The following CPXM2 variants were observed in gnomAD, a reference collection of about 807,000 sequenced individuals.
The protein encoded by CPXM2 is inactive carboxypeptidase-like protein X2.
CPXM2 carries 66 observed loss-of-function variants against 86.1 expected under a neutral mutation model. The observed-to-expected ratio is 0.77, with a 90% CI of 0.63 to 0.94. The LOEUF is 0.94. Ranked by LOEUF, CPXM2 falls within the 40% of genes least tolerant of loss-of-function variation. The probability of loss-of-function intolerance (pLI) is 0.00; values close to 1 mark genes in which losing one functional copy is unlikely to be tolerated. For synonymous variants in CPXM2, 388 were observed against 400.2 expected (o/e 0.97, Z 0.36); for missense variants, 948 against 1,026.3 (o/e 0.92, Z 1.04).
At chr10:123,908,302 GA>G (rs1180450220) in intron 2 of CPXM2, among the ~76,000 whole-genome samples, 1 of 152,162 alleles carries the variant, frequency 6.6e-6, no homozygotes, top group Non-Finnish European at 1.5e-5. Context: ...TAGGAAGTGA[GA>G]ACACTTAGAT....
chr10:123,913,968 T>G lies in CPXM2; in HGVS notation n.174+25509A>C. On this transcript the variant is annotated intron_variant and non_coding_transcript_variant, in intron 2 of 19. Coordinates refer to the CPXM2 transcript ENST00000368854. Reference sequence around the variant, plus strand: ...CTGAACCATGCCTGATGGACCAGAGTGAGCACCAGAGTCAGGCCATTGCCA... The same window carrying G: ...CTGAACCATGCCTGATGGACCAGAGGGAGCACCAGAGTCAGGCCATTGCCA... 3 of 474,542 alleles carry G rather than the reference T, an allele frequency of 6.3e-6. No individual in the cohort carries two copies. The East Asian group carries it at 1.8e-4, about 29-fold the overall frequency. 29.4% of individuals were successfully genotyped at this position (474,542 alleles called of 1,614,324 possible). A position where few individuals can be genotyped will look rare whatever the true frequency, so the allele number is the denominator to read the frequency against.
At chr10:123,924,295 G>A (rs544206747) in intron 2 of CPXM2, among the ~76,000 whole-genome samples, 7 of 152,246 alleles carry the variant, frequency 4.6e-5, no homozygotes, top group East Asian at 3.9e-4. Context: ...TACAAATAGC[G>A]GGTCCCCAGG....
At chr10:123,900,191 G>A (rs1429694022) in intron 2 of CPXM2, among the ~76,000 whole-genome samples, 1 of 152,118 alleles carries the variant, frequency 6.6e-6, no homozygotes, top group Admixed American at 6.5e-5. Flanking sequence ...ACAGGAACCT[G>A]CCACCATGCC....
intron 9 of CPXM2, 37 bp downstream of exon 9, chr10:123,768,489 C>A: frequency 6.4e-7 from 1 of 1,564,496 alleles, no homozygotes; most frequent in South Asian, 1.2e-5. Flanking sequence ...GCCTCGCTGC[C>A]CATGTCCTAT....
Position 123,770,972 on chromosome 10 carries a change from TGG to T in CPXM2, c.1044_1045del (p.His348GlnfsTer18). ...CTCCACAGCATACAGCTTCAGGCCCTGGTGGCTTTTTCCAATGTTGTAAATTC... is the reference window on the plus strand; with the variant it reads ...CTCCACAGCATACAGCTTCAGGCCCTTGGCTTTTTCCAATGTTGTAAATTC... On this transcript the variant is annotated frameshift_variant, in exon 8 of 14. Coordinates refer to ENST00000241305, the MANE Select transcript of CPXM2 (RefSeq NM_198148.3). LOFTEE classifies it high-confidence loss of function. 6.2e-7 allele frequency: 1 copy of T among 1,614,128 alleles called. No individual in the cohort carries two copies. Among genetic ancestry groups the T allele is most frequent in the Middle Eastern group, 1.7e-4 (1 of 6,060 alleles).
intron 2 of CPXM2, among the ~76,000 whole-genome samples, chr10:123,917,732 G>A (rs904629905): frequency 6.6e-6 from 1 of 152,134 alleles, no homozygotes; most frequent in African/African-American, 2.4e-5. Context: ...CTGAGCTTTC[G>A]TACAGTCTCA....
At chr10:123,909,170 A>T (rs889085734) in intron 2 of CPXM2, among the ~76,000 whole-genome samples, 8 of 152,168 alleles carry the variant, frequency 5.3e-5, no homozygotes, top group Non-Finnish European at 1.0e-4. Flanking sequence ...TAAGAGCAGG[A>T]TTCGTGTAGC....
At chr10:123,919,479 AT>A (rs146376999) in intron 2 of CPXM2, among the ~76,000 whole-genome samples, 15,974 of 152,190 alleles carry the variant, frequency 0.1, 908 homozygotes, top group African/African-American at 0.12. Flanking sequence ...TAAAGCAGGT[AT>A]GACAACCATA....
intron 7 of CPXM2, among the ~76,000 whole-genome samples, chr10:123,772,832 T>A (rs978656856): frequency 6.6e-6 from 1 of 151,544 alleles, no homozygotes; most frequent in African/African-American, 2.4e-5. Flanking sequence ...GTTGTGGTTA[T>A]CACCTCCCTG....
chr10:123,789,701 C>T (rs943051004), intron 6 of CPXM2, among the ~76,000 whole-genome samples: 1 of 152,180 alleles, frequency 6.6e-6, no homozygotes, highest in Non-Finnish European at 1.5e-5. Flanking sequence ...GGTGAGAGCA[C>T]ACCTGAACAA....
At chr10:123,786,147 T>G (rs568771295) in intron 6 of CPXM2, among the ~76,000 whole-genome samples, 1 of 152,348 alleles carries the variant, frequency 6.6e-6, no homozygotes, top group African/African-American at 2.4e-5. Context: ...AGCTTTAATC[T>G]TGAAGCAAAA....
At chr10:123,910,495 C>G (rs773070285) in intron 2 of CPXM2, among the ~76,000 whole-genome samples, 1 of 152,268 alleles carries the variant, frequency 6.6e-6, no homozygotes. Context: ...TTCTCCTGAT[C>G]CACTGCATCC....
At chr10:123,911,671 T>C (rs1412690269) in intron 2 of CPXM2, among the ~76,000 whole-genome samples, 1 of 151,948 alleles carries the variant, frequency 6.6e-6, no homozygotes, top group African/African-American at 2.4e-5. Flanking sequence ...AACAGAGGCA[T>C]GGCAAGAGAT....
chr10:123,914,268 T>C (rs1945516285), intron 2 of CPXM2, among the ~76,000 whole-genome samples: 1 of 152,184 alleles, frequency 6.6e-6, no homozygotes, highest in Non-Finnish European at 1.5e-5. Flanking sequence ...TTCCCGGACA[T>C]TCTCCCATCT....
At chr10:123,882,168 C>G (rs887814825) in intron 1 of CPXM2, among the ~76,000 whole-genome samples, 3 of 152,190 alleles carry the variant, frequency 2.0e-5, no homozygotes, top group Admixed American at 1.3e-4. Flanking sequence ...AAGGAAACCC[C>G]CCTTTTTGTT....
At chr10:123,786,865 G>A (rs1286014261) in intron 6 of CPXM2, among the ~76,000 whole-genome samples, 18 of 152,146 alleles carry the variant, frequency 1.2e-4, no homozygotes. Flanking sequence ...TATGTCAAAT[G>A]TAGATTCACT....
chr10:123,915,879 T>C (rs1365195850), intron 2 of CPXM2, among the ~76,000 whole-genome samples: 1 of 152,122 alleles, frequency 6.6e-6, no homozygotes, highest in Non-Finnish European at 1.5e-5. Context: ...GCCCTGGAGT[T>C]CCGCCGAATA....
intron 4 of CPXM2, among the ~76,000 whole-genome samples, chr10:123,802,176 G>T (rs1277916959): frequency 6.6e-6 from 1 of 152,212 alleles, no homozygotes; most frequent in Non-Finnish European, 1.5e-5. Context: ...AACTTCCTCT[G>T]CCAGGCAGTA....
intron 2 of CPXM2, among the ~76,000 whole-genome samples, chr10:123,931,246 TA>T (rs144761733): frequency 2.0e-5 from 3 of 151,910 alleles, no homozygotes; most frequent in Admixed American, 6.6e-5. Context: ...CGAACCCCAG[TA>T]AAAAAAACCC....
Sources: allele counts gnomAD v4.1 joint callset (sites outside exome capture counted in the v4.1 genomes callset), GRCh38; gene constraint gnomAD v4.1.1; transcripts MANE v1.5; gene names NCBI Gene and HGNC (gene_info 2026-07-23, HGNC 2026-07-21).